ZNF510: variants seen among roughly 807,000 people sequenced by gnomAD.
The protein encoded by ZNF510 is zinc finger protein 510.
In ZNF510, 15 loss-of-function variants were observed where a neutral mutation model predicts 18.1. The ratio of observed to expected loss-of-function variants is 0.83; its 90% CI spans 0.55 to 1.28. The LOEUF (loss-of-function observed/expected upper bound fraction) is 1.28. ZNF510 is among the 50% of genes most tolerant of loss of function. ZNF510 has a pLI of 0.00. For synonymous variants in ZNF510, 261 were observed against 266.4 expected (o/e 0.98, Z 0.20); for missense variants, 724 against 791.8 (o/e 0.91, Z 1.03).
rs367882366 is a variant in ZNF510, at chr9:96,759,589, C to T, written c.1241G>A (p.Cys414Tyr). ...ATGTTGAATGAGATGTCCTTTCTGA[C>T]AGAAGGATTTCCCACATTCATTACA... ...YKCNECGKSF[C>Y]QKGHLIQHQR... The change falls in exon 6 of 6, where the codon TGT (cysteine) becomes TAT (tyrosine). Residue 414 changes from cysteine (C) to tyrosine (Y), a missense_variant. By Grantham distance (194) the Cys-to-Tyr change is radical (BLOSUM62 -2). Transcript: ENST00000223428. 1.2e-6 allele frequency: 2 copies of T among 1,613,962 alleles called. No individual in the cohort carries two copies. Among genetic ancestry groups the T allele is most frequent in the South Asian group, 2.2e-5 (2 of 91,080 alleles).
At chr9:96,763,293 G>C in intron 4 of ZNF510, 80 bp from the exon 5 acceptor site, 1 of 1,463,912 alleles carries the variant, frequency 6.8e-7, no homozygotes, top group Non-Finnish European at 9.5e-7. Context: ...ATACAGCTTT[G>C]GAAGCAGTAT....
intron 3 of ZNF510, among the ~76,000 whole-genome samples, chr9:96,767,303 G>A (rs1431626945): frequency 6.6e-6 from 1 of 151,802 alleles, no homozygotes; most frequent in Non-Finnish European, 1.5e-5. Context: ...ACTCCAGCCT[G>A]GGTGATAGAG....
chr9:96,768,718 G>C (rs931450118), intron 3 of ZNF510, among the ~76,000 whole-genome samples: 4 of 152,136 alleles, frequency 2.6e-5, no homozygotes, highest in African/African-American at 9.7e-5. Flanking sequence ...AAGACACCTT[G>C]TGTTCATGAA....
chr9:96,772,129 G>C (rs1416852588), intron 3 of ZNF510, among the ~76,000 whole-genome samples: 2 of 152,140 alleles, frequency 1.3e-5, no homozygotes, highest in African/African-American at 4.8e-5. Flanking sequence ...CCGCATACAA[G>C]TCACTTGACT....
At chr9:96,767,761 GT>G (rs1849506610) in intron 3 of ZNF510, among the ~76,000 whole-genome samples, 1 of 152,104 alleles carries the variant, frequency 6.6e-6, no homozygotes, top group Non-Finnish European at 1.5e-5. Flanking sequence ...AAGACCAACT[GT>G]CAGTCTGTCT....
Position 96,759,078 on chromosome 9 carries a change from T to C in ZNF510, c.1752A>G (p.Thr584=), listed in dbSNP as rs1219995790. ...CNECGKTFAR[T]STLRVHQRIH... ...TTCTTTGATGCACTCTGAGGGTTGA[T>C]GTCCGGGCAAAAGTTTTCCCACATT... Residue 584 remains threonine (T), a synonymous_variant, in exon 6 of 6, where the codon ACA becomes ACG. Transcript: ENST00000223428. 1 of 1,613,944 alleles carries C rather than the reference T, an allele frequency of 6.2e-7. No individual in the cohort carries two copies. Among genetic ancestry groups the C allele is most frequent in the Non-Finnish European group, 8.5e-7 (1 of 1,179,942 alleles).
Sources: gnomAD v4.1 joint callset for allele counts (sites outside exome capture counted in the v4.1 genomes callset) on GRCh38, gnomAD v4.1.1 for gene constraint, MANE v1.5 for transcripts, NCBI Gene and HGNC (gene_info 2026-07-23, HGNC 2026-07-21) for gene names.